MYO1B: variants seen among roughly 807,000 people sequenced by gnomAD.
MYO1B encodes unconventional myosin-Ib.
A neutral mutation model predicts 159.7 loss-of-function variants in MYO1B; 72 were observed. The ratio of observed to expected loss-of-function variants is 0.45; its 90% confidence interval spans 0.37 to 0.55. The LOEUF is 0.55. Ranked by LOEUF, MYO1B falls within the 20% of genes least tolerant of loss-of-function variation. MYO1B has a pLI of 0.00. For synonymous variants in MYO1B, 468 were observed against 473.8 expected (o/e 0.99, Z 0.16); for missense variants, 1,062 against 1,364.8 (o/e 0.78, Z 3.50).
intron 2 of MYO1B, among the ~76,000 whole-genome samples, chr2:191,280,728 A>G (rs1002977898): frequency 6.6e-6 from 1 of 152,228 alleles, no homozygotes; most frequent in Non-Finnish European, 1.5e-5. Context: ...TTCCCAACCA[A>G]ATATATCTAT....
rs530055405 is a variant in MYO1B at position 191,258,788 on chromosome 2, A to G, written c.-10+13162A>G. 1.1e-4 allele frequency among the ~76,000 whole-genome samples: 17 copies of G among 152,350 alleles called. No individual in the cohort carries two copies. In the South Asian group the frequency reaches 2.5e-3, roughly 22 times the overall value. On this transcript the variant is annotated intron_variant, in intron 1 of 30. Coordinates refer to ENST00000392318, the MANE Select transcript of MYO1B (RefSeq NM_001130158.3). ...GGCATGCCAAGGGTATGGCATGAGC[A>G]TGGAACACATAATGCTAGAACTGCC...
intron 8 of MYO1B, 95 bp downstream of exon 8, chr2:191,360,824 C>A: frequency 1.2e-6 from 1 of 827,586 alleles, no homozygotes; most frequent in South Asian, 1.8e-5. Context: ...CCAGGCCGGT[C>A]TCTAATTCCT....
In MYO1B at chr2:191,403,620, A is replaced by G. The variant is rs146038817; in HGVS notation, c.2556+902A>G. On this transcript the variant is annotated intron_variant, in intron 24 of 30. Coordinates refer to ENST00000392318, the MANE Select transcript of MYO1B (RefSeq NM_001130158.3). ...TCATTGACTCTAAGTCTGAACAACCATTAGAAATATCCCTGAATCCTGCTT... is the reference window on the plus strand; with the variant it reads ...TCATTGACTCTAAGTCTGAACAACCGTTAGAAATATCCCTGAATCCTGCTT... 5.1e-4 allele frequency among the ~76,000 whole-genome samples: 77 copies of G among 152,324 alleles called. 1 individual carries two copies. The East Asian group carries it at 0.012, about 24-fold the overall frequency.
intron 21 of MYO1B, among the ~76,000 whole-genome samples, chr2:191,397,271 T>C (rs1696172761): frequency 1.3e-5 from 2 of 148,232 alleles, no homozygotes; most frequent in Admixed American, 6.7e-5. Context: ...AGGACAATAG[T>C]GGAGGGAAGG....
chr2:191,277,513 T>A lies in MYO1B; in HGVS notation c.135+483T>A, dbSNP rs564046942. Among the ~76,000 whole-genome samples, 98 of 152,324 alleles carry A rather than the reference T, an allele frequency of 6.4e-4. 1 individual carries two copies. In the South Asian group the frequency reaches 0.013, roughly 20 times the overall value. ...TTGGTCCCTGAAGATTTGGCTATAGTCATGTCCTACTGTACAAAAGTCTAA... is the reference window on the plus strand; with the variant it reads ...TTGGTCCCTGAAGATTTGGCTATAGACATGTCCTACTGTACAAAAGTCTAA... On this transcript the variant is annotated intron_variant, in intron 2 of 30. Transcript: ENST00000392318.
intron 13 of MYO1B, among the ~76,000 whole-genome samples, chr2:191,371,362 A>G (rs1694353562): frequency 1.3e-5 from 2 of 152,156 alleles, no homozygotes; most frequent in African/African-American, 2.4e-5. Flanking sequence ...TTTTCTTAGT[A>G]TGTTTTCCCT....
intron 21 of MYO1B, 25 bp downstream of exon 21, chr2:191,396,522 A>T: frequency 6.2e-7 from 1 of 1,612,374 alleles, no homozygotes; most frequent in Non-Finnish European, 8.5e-7. Context: ...AGTATGCTTT[A>T]TTTATTTTGG....
chr2:191,405,115 C>T (rs1696838583), intron 24 of MYO1B, among the ~76,000 whole-genome samples: 1 of 152,144 alleles, frequency 6.6e-6, no homozygotes, highest in Non-Finnish European at 1.5e-5. Flanking sequence ...TATTCCAAAT[C>T]CTTTGTTGTC....
At chr2:191,412,238 G>A (rs1241681989) in intron 27 of MYO1B, among the ~76,000 whole-genome samples, 1 of 152,150 alleles carries the variant, frequency 6.6e-6, no homozygotes, top group East Asian at 1.9e-4. Context: ...TTGTCTGTAT[G>A]CTTGCTTCAG....
chr2:191,300,000 C>G (rs1444801829), intron 3 of MYO1B, among the ~76,000 whole-genome samples: 1 of 152,198 alleles, frequency 6.6e-6, no homozygotes, highest in African/African-American at 2.4e-5. Context: ...AACATTCTCA[C>G]ATGCTCTGTC....
At chr2:191,414,452 A>G in intron 28 of MYO1B, 65 bp from the exon 29 acceptor site, 1 of 1,459,062 alleles carries the variant, frequency 6.9e-7, no homozygotes, top group Non-Finnish European at 9.2e-7. Flanking sequence ...TAATGCCTTA[A>G]ACTCATGGAC....
intron 23 of MYO1B, 129 bp from the exon 24 acceptor site, chr2:191,402,503 A>G (rs1292460364): frequency 2.6e-6 from 2 of 782,118 alleles, no homozygotes; most frequent in East Asian, 5.3e-5. Context: ...ATTGTTATGC[A>G]CTGTTCCTCT....
At position 191,276,869 on chromosome 2, in the gene MYO1B, T is replaced by G. The variant is rs1158599700; in HGVS notation, c.-9-18T>G. The G allele has an allele frequency of 1.3e-6, 2 of 1,586,492 alleles. No homozygotes were observed. Among genetic ancestry groups the G allele is most frequent in the Admixed American group, 3.9e-5 (2 of 51,482 alleles). On this transcript the variant is annotated intron_variant, in intron 1 of 30. Coordinates refer to ENST00000392318, the MANE Select transcript of MYO1B (RefSeq NM_001130158.3). ...TATTTTGCTCGTTTAAATTGACCCC[T>G]TTCCCTCTCTTCTGCAGCTGGAGAC...
intron 5 of MYO1B, among the ~76,000 whole-genome samples, chr2:191,344,412 G>A (rs1026877244): frequency 6.6e-6 from 1 of 152,178 alleles, no homozygotes; most frequent in Admixed American, 6.5e-5. Flanking sequence ...GTTGAAGACA[G>A]AATTTGCTGC....
chr2:191,262,439 A>G lies in MYO1B; in HGVS notation c.-9-14448A>G, dbSNP rs113116457. 2.7e-3 allele frequency among the ~76,000 whole-genome samples: 404 copies of G among 152,180 alleles called. 3 individuals are homozygous for G. Among genetic ancestry groups the G allele is most frequent in the African/African-American group, 8.7e-3 (362 of 41,510 alleles). ...AGCCTCCTTTAAATTTGTTGTCTCTATTGTGCTCAAAATCATTTTGGTGGC... is the reference window on the plus strand; with the variant it reads ...AGCCTCCTTTAAATTTGTTGTCTCTGTTGTGCTCAAAATCATTTTGGTGGC... On this transcript the variant is annotated intron_variant, in intron 1 of 30. Coordinates refer to ENST00000392318, the MANE Select transcript of MYO1B (RefSeq NM_001130158.3).
At chr2:191,355,992 C>A (rs2125996353) in intron 7 of MYO1B, among the ~76,000 whole-genome samples, 1 of 152,252 alleles carries the variant, frequency 6.6e-6, no homozygotes. Context: ...GTGTGTGCTG[C>A]ATTCATGCCA....
At chr2:191,388,355 C>T (rs571763904) in intron 17 of MYO1B, 1 of 151,536 alleles carries the variant, frequency 6.6e-6, no homozygotes, top group South Asian at 2.1e-4. Flanking sequence ...AGAACTCTCT[C>T]TAGATTTAGT....
intron 21 of MYO1B, among the ~76,000 whole-genome samples, chr2:191,398,897 T>TG: frequency 6.6e-6 from 1 of 152,310 alleles, no homozygotes; most frequent in East Asian, 1.9e-4. Flanking sequence ...CTCGGCTCTT[T>TG]GGGAGGCCAA....
At chr2:191,258,577 T>C (rs1686598108) in intron 1 of MYO1B, among the ~76,000 whole-genome samples, 1 of 152,250 alleles carries the variant, frequency 6.6e-6, no homozygotes, top group Non-Finnish European at 1.5e-5. Flanking sequence ...ACCTCCATTA[T>C]ATGTGTGGTC....
Sources: allele counts gnomAD v4.1 joint callset (sites outside exome capture counted in the v4.1 genomes callset), GRCh38; gene constraint gnomAD v4.1.1; transcripts MANE v1.5; gene names NCBI Gene and HGNC (gene_info 2026-07-23, HGNC 2026-07-21).